The following ERICH6B variants were observed in gnomAD, a reference collection of about 807,000 sequenced individuals.
The protein encoded by ERICH6B is glutamate rich 6B, also known as glutamate-rich protein 6B.
Under a neutral mutation model 80.0 loss-of-function variants are expected in ERICH6B, and 69 were observed. That is an observed-to-expected ratio of 0.86 (90% CI 0.71 to 1.05). The LOEUF (loss-of-function observed/expected upper bound fraction) is 1.05. ERICH6B is among the 50% of genes least tolerant of loss of function. ERICH6B has a pLI of 0.00. For synonymous variants in ERICH6B, 283 were observed against 291.9 expected (o/e 0.97, Z 0.31); for missense variants, 754 against 796.1 (o/e 0.95, Z 0.64).
chr13:45,587,662 C>T (rs574028450), intron 4 of ERICH6B, among the ~76,000 whole-genome samples: 9 of 152,290 alleles, frequency 5.9e-5, no homozygotes, highest in South Asian at 2.1e-4. Flanking sequence ...TCCCTGCAAT[C>T]GGCTCACCAC....
chr13:45,554,762 CAGGCGGGACCCCG>C (rs1874368068), intron 11 of ERICH6B, among the ~76,000 whole-genome samples: 4 of 152,232 alleles, frequency 2.6e-5, no homozygotes, highest in Admixed American at 2.6e-4. Context: ...GCCTGTCCTG[CAGGCGGGACCCCG>C]AGCTGTGCCA....
At chr13:45,589,539 T>C (rs1876070803) in intron 4 of ERICH6B, among the ~76,000 whole-genome samples, 2 of 152,104 alleles carry the variant, frequency 1.3e-5, no homozygotes, top group African/African-American at 2.4e-5. Flanking sequence ...CAAAACCCCG[T>C]GAGGCTGGAA....
At position 45,570,958 on chromosome 13, in the gene ERICH6B, G is replaced by A. The variant is rs373236643; in HGVS notation, c.1051-2507C>T. On this transcript the variant is annotated intron_variant, in intron 8 of 14. Transcript: ENST00000298738. ...CAGCTGCAGGTTCCATGTGGCATTC[G>A]CTCCACTGCAGCTGCAGGTTCCGTG... Among the ~76,000 whole-genome samples, 13 of 151,806 alleles carry A rather than the reference G, an allele frequency of 8.6e-5. No individual in the cohort carries two copies. In the East Asian group the frequency reaches 1.9e-3, roughly 23 times the overall value.
chr13:45,566,804 G>T (rs998280437), intron 9 of ERICH6B, among the ~76,000 whole-genome samples: 12 of 152,214 alleles, frequency 7.9e-5, no homozygotes, highest in African/African-American at 2.9e-4. Flanking sequence ...CCCTACTGGG[G>T]CACCACCTAA....
chr13:45,615,248 G>A (rs1949921413), intron 1 of ERICH6B, among the ~76,000 whole-genome samples: 1 of 152,170 alleles, frequency 6.6e-6, no homozygotes, highest in Admixed American at 6.5e-5. Flanking sequence ...CACAGGAGTC[G>A]CTTCGTGGGC....
chr13:45,563,883 CTCTT>C (rs2137979231), intron 9 of ERICH6B, 95 bp from the exon 10 acceptor site: 1 of 1,057,096 alleles, frequency 9.5e-7, no homozygotes, highest in East Asian at 2.6e-5. Context: ...CCTGCAGAGT[CTCTT>C]TCGCAGGTGG....
rs1053939788 is a variant in ERICH6B, at chr13:45,550,320, G to A, written c.1408-4C>T. The A allele has an allele frequency of 2.3e-5, 35 of 1,550,246 alleles. No homozygotes were observed. Among genetic ancestry groups the A allele is most frequent in the Admixed American group, 3.9e-5 (2 of 50,978 alleles). On this transcript the variant is annotated splice_polypyrimidine_tract_variant and splice_region_variant and intron_variant, in intron 11 of 14. Transcript: ENST00000298738. ...ATTTTCCATCACCTTGATGCACCTGGGAAGAAAAGACAAGCCTATGAAAAG... is the reference window on the plus strand; with the variant it reads ...ATTTTCCATCACCTTGATGCACCTGAGAAGAAAAGACAAGCCTATGAAAAG...
At chr13:45,586,143 C>T (rs1875890357) in intron 5 of ERICH6B, among the ~76,000 whole-genome samples, 1 of 152,096 alleles carries the variant, frequency 6.6e-6, no homozygotes, top group Non-Finnish European at 1.5e-5. Context: ...TGAAAAAGGT[C>T]CCCAGTGAAC....
intron 11 of ERICH6B, among the ~76,000 whole-genome samples, chr13:45,552,287 G>A (rs1224122560): frequency 6.6e-6 from 1 of 152,134 alleles, no homozygotes; most frequent in Admixed American, 6.5e-5. Context: ...TGGAAAGGGT[G>A]TGTGTCCTCT....
intron 11 of ERICH6B, among the ~76,000 whole-genome samples, chr13:45,553,732 A>G (rs1307444974): frequency 6.6e-6 from 1 of 152,198 alleles, no homozygotes; most frequent in East Asian, 1.9e-4. Context: ...TTTATCCCTG[A>G]TGCTGCCTCT....
chr13:45,590,065 A>G (rs1876095181), intron 4 of ERICH6B, among the ~76,000 whole-genome samples: 1 of 152,114 alleles, frequency 6.6e-6, no homozygotes, highest in African/African-American at 2.4e-5. Context: ...GAGATAAATT[A>G]TCCTTTGGGG....
intron 10 of ERICH6B, among the ~76,000 whole-genome samples, chr13:45,561,943 G>T (rs370198115): frequency 1.6e-3 from 239 of 152,302 alleles, no homozygotes; most frequent in African/African-American, 5.7e-3. Context: ...GCGAAAGTCA[G>T]GGAGTCATCA....
rs74974723 is a variant in ERICH6B at position 45,596,493 on chromosome 13, C to T, written c.513G>A (p.Gly171=). The change falls in exon 3 of 15, where the codon GGG becomes GGA. Residue 171 remains glycine, a synonymous_variant. Transcript: ENST00000298738. ...KAYLEEEEYL[G]KKSYLEEEKA... is the part of the protein sequence containing the mutation. Reference sequence around the variant, plus strand: ...TTTCCTCTTCTAGATATGATTTCTTCCCCAGATACTCCTCCTCCTCCAGAT... The same window carrying T: ...TTTCCTCTTCTAGATATGATTTCTTTCCCAGATACTCCTCCTCCTCCAGAT... 1.4e-3 allele frequency: 2,233 copies of T among 1,551,338 alleles called. 22 individuals are homozygous for T. The African/African-American group carries it at 0.027, about 19-fold the overall frequency.
At chr13:45,580,075 T>TTAAATCAATTAAAAATC in intron 6 of ERICH6B, 101 bp from the exon 7 acceptor site, 1 of 1,023,576 alleles carries the variant, frequency 9.8e-7, no homozygotes, top group Non-Finnish European at 1.5e-6. Context: ...ATCTCCTAGA[T>TTAAATCAATTAAAAATC]ATCTGGGAAG....
chr13:45,600,876 C>A (rs1949823239), intron 2 of ERICH6B, among the ~76,000 whole-genome samples: 1 of 152,108 alleles, frequency 6.6e-6, no homozygotes. Context: ...AGTGGAATTG[C>A]TGGATTAAAT....
At chr13:45,549,506 G>C (rs749573250) in intron 13 of ERICH6B, among the ~76,000 whole-genome samples, 1 of 152,138 alleles carries the variant, frequency 6.6e-6, no homozygotes, top group Non-Finnish European at 1.5e-5. Flanking sequence ...TCACGTTTTG[G>C]ACCATGGACT....
At position 45,559,087 on chromosome 13, in the gene ERICH6B, T is replaced by C. The variant is rs568489368; in HGVS notation, c.1407+2282A>G. Among the ~76,000 whole-genome samples, 337 of 152,312 alleles carry C rather than the reference T, an allele frequency of 2.2e-3. 2 individuals are homozygous for C. The highest frequency in any genetic ancestry group is 7.8e-3 in the African/African-American group (325 of 41,570). ...TTACCATTTCAATCTCACTGCTTGT[T>C]ATTGGTCTGTTCAGGGTATCTAATT... On this transcript the variant is annotated intron_variant, in intron 11 of 14. Coordinates refer to ENST00000298738, the MANE Select transcript of ERICH6B (RefSeq NM_182542.3).
intron 8 of ERICH6B, among the ~76,000 whole-genome samples, chr13:45,571,888 T>C (rs568896344): frequency 4.2e-4 from 64 of 152,262 alleles, no homozygotes; most frequent in African/African-American, 1.5e-3. Flanking sequence ...ACCTGGGCCA[T>C]ATCCTTCCCT....
intron 5 of ERICH6B, 82 bp downstream of exon 5, chr13:45,586,981 A>G (rs1348030359): frequency 3.6e-6 from 5 of 1,406,700 alleles, no homozygotes; most frequent in African/African-American, 1.4e-5. Context: ...TCGAGCCACA[A>G]TATTTCACAT....
Sources: gnomAD v4.1 joint callset for allele counts (sites outside exome capture counted in the v4.1 genomes callset) on GRCh38, gnomAD v4.1.1 for gene constraint, MANE v1.5 for transcripts, NCBI Gene and HGNC (gene_info 2026-07-23, HGNC 2026-07-21) for gene names.